EDA: variants seen among roughly 807,000 people sequenced by gnomAD.
The protein encoded by EDA is ectodysplasin A, also known as ectodysplasin-A.
A neutral mutation model predicts 23.6 loss-of-function variants in EDA; 2 were observed. That is an observed-to-expected ratio of 0.08 (90% CI 0.03 to 0.27). The LOEUF is 0.27. Ranked by LOEUF, EDA falls within the 10% of genes least tolerant of loss-of-function variation. The pLI is 1.00. For synonymous variants in EDA, 131 were observed against 132.0 expected (o/e 0.99, Z 0.05); for missense variants, 229 against 324.2 (o/e 0.71, Z 2.26).
chrX:69,798,374 T>G (rs1290048903), intron 1 of EDA, among the ~76,000 whole-genome samples: 1 of 111,751 alleles, frequency 8.9e-6, no homozygotes, highest in Non-Finnish European at 1.9e-5. Flanking sequence ...ATTCTTCTCA[T>G]CAGCATGTGG....
chrX:69,830,989 T>G (rs1350136697), intron 1 of EDA, among the ~76,000 whole-genome samples: 1 of 111,775 alleles, frequency 8.9e-6, no homozygotes, highest in Admixed American at 9.5e-5. Context: ...CATATTAACA[T>G]ATTAAAGGCA....
At chrX:69,740,239 G>A (rs776757094) in intron 1 of EDA, among the ~76,000 whole-genome samples, 1 of 111,253 alleles carries the variant, frequency 9.0e-6, no homozygotes, top group East Asian at 2.8e-4. Flanking sequence ...AACACTCTGT[G>A]TTTTTCTCTA....
At chrX:69,879,456 T>C (rs1417177396) in intron 1 of EDA, among the ~76,000 whole-genome samples, 1 of 111,592 alleles carries the variant, frequency 9.0e-6, no homozygotes, top group Non-Finnish European at 1.9e-5. Context: ...AATATAATGG[T>C]GATCAACTCA....
In EDA at chrX:69,761,907, G is replaced by A. The variant is rs774630846; in HGVS notation, c.396+145203G>A. 2.2e-4 allele frequency among the ~76,000 whole-genome samples: 25 copies of A among 111,365 alleles called. No homozygotes were observed. The South Asian group carries it at 8.7e-3, about 39-fold the overall frequency. On this transcript the variant is annotated intron_variant, in intron 1 of 7. Coordinates refer to ENST00000374552, the MANE Select transcript of EDA (RefSeq NM_001399.5). ...GACACAATCTTAAGAGTGACTATGC[G>A]TTGAATTAGAACATAGGGAGTCCTC... is the stretch of plus-strand genomic sequence containing the variant.
chrX:69,893,627 A>C (rs2054038376), intron 1 of EDA, among the ~76,000 whole-genome samples: 1 of 112,578 alleles, frequency 8.9e-6, no homozygotes, highest in Non-Finnish European at 1.9e-5. Flanking sequence ...AAGAATAATA[A>C]GTTTCCTCTA....
At chrX:69,683,439 A>G (rs368337092) in intron 1 of EDA, among the ~76,000 whole-genome samples, 2 of 111,648 alleles carry the variant, frequency 1.8e-5, no homozygotes, top group South Asian at 3.8e-4. Flanking sequence ...GAACCTGTCC[A>G]AACTACAAGG....
chrX:69,784,855 G>T (rs1313158871), intron 1 of EDA, among the ~76,000 whole-genome samples: 15 of 110,175 alleles, frequency 1.4e-4, no homozygotes, highest in East Asian at 8.6e-4. Context: ...TGATGGGGAT[G>T]GCATTGAATC....
At chrX:69,867,212 CA>C (rs2017500417) in intron 1 of EDA, among the ~76,000 whole-genome samples, 1 of 111,831 alleles carries the variant, frequency 8.9e-6, no homozygotes, top group Admixed American at 9.5e-5. Flanking sequence ...TCCCTGCCAC[CA>C]TGGCCACTTT....
At chrX:69,913,489 G>T (rs2018298174) in intron 1 of EDA, among the ~76,000 whole-genome samples, 1 of 112,406 alleles carries the variant, frequency 8.9e-6, no homozygotes, top group Non-Finnish European at 1.9e-5. Flanking sequence ...TCACAGAGTT[G>T]AAGAGAGTTA....
chrX:69,782,366 T>TAAA (rs751293381), intron 1 of EDA, among the ~76,000 whole-genome samples: 27 of 65,454 alleles, frequency 4.1e-4, no homozygotes, highest in African/African-American at 9.2e-4. Flanking sequence ...TAAATGCTCT[T>TAAA]AAAAAAAAAA....
chrX:69,879,048 T>G (rs1243482905), intron 1 of EDA, among the ~76,000 whole-genome samples: 1 of 111,070 alleles, frequency 9.0e-6, no homozygotes, highest in African/African-American at 3.3e-5. Flanking sequence ...CAAAACTGCT[T>G]TGGCCATTCT....
chrX:69,683,954 A>T (rs1934460671), intron 1 of EDA, among the ~76,000 whole-genome samples: 1 of 112,001 alleles, frequency 8.9e-6, no homozygotes, highest in Non-Finnish European at 1.9e-5. Flanking sequence ...CAGATTATGA[A>T]ATTGTCCTGC....
intron 1 of EDA, among the ~76,000 whole-genome samples, chrX:69,649,204 G>GC (rs1381829211): frequency 2.7e-5 from 3 of 111,920 alleles, no homozygotes; most frequent in African/African-American, 9.8e-5. Context: ...GACCATCTTG[G>GC]CCCCTCCCAT....
chrX:69,711,229 T>G (rs1602321819), intron 1 of EDA, among the ~76,000 whole-genome samples: 1 of 111,574 alleles, frequency 9.0e-6, no homozygotes, highest in Middle Eastern at 4.6e-3. Context: ...TCAAAGGCCT[T>G]TTCTGCATCC....
At chrX:69,666,849 G>C (rs1933699754) in intron 1 of EDA, among the ~76,000 whole-genome samples, 1 of 111,935 alleles carries the variant, frequency 8.9e-6, no homozygotes, top group Non-Finnish European at 1.9e-5. Flanking sequence ...TTTTAGAAGA[G>C]TTTAAGAAGT....
chrX:69,969,922 A>G (rs1488080307), intron 2 of EDA, among the ~76,000 whole-genome samples: 1 of 111,084 alleles, frequency 9.0e-6, no homozygotes, highest in Non-Finnish European at 1.9e-5. Flanking sequence ...CGGGGAACAT[A>G]GCAAGACCCC....
In EDA at chrX:70,038,116, G is replaced by A. The variant is rs1333235238; in HGVS notation, c.*2507G>A. The A allele has an allele frequency of 4.5e-5, 5 of 111,561 alleles. No homozygotes were observed. The highest frequency in any genetic ancestry group is 1.6e-4 in the African/African-American group (5 of 30,664). 9.2% of individuals were successfully genotyped at this position (111,561 alleles called of 1,213,427 possible). On this transcript the variant is annotated 3_prime_UTR_variant, in exon 8 of 8. Transcript: ENST00000374552. ...TCTCTCAGGGATGGAGGGAAGACCT[G>A]AAAGAGAGGACTGGTTCTGAGGCCA...
intron 6 of EDA, among the ~76,000 whole-genome samples, chrX:70,032,684 C>T (rs960372592): frequency 2.7e-5 from 3 of 111,500 alleles, no homozygotes; most frequent in Non-Finnish European, 5.7e-5. Context: ...AGATGCTTTG[C>T]CAAGGGTGGC....
intron 1 of EDA, among the ~76,000 whole-genome samples, chrX:69,698,364 C>T (rs1415012139): frequency 1.8e-5 from 2 of 111,120 alleles, no homozygotes; most frequent in African/African-American, 3.3e-5. Context: ...TAGGGCCTGA[C>T]CACTTCGGTT....
Sources: gnomAD v4.1 joint callset for allele counts (sites outside exome capture counted in the v4.1 genomes callset) on GRCh38, gnomAD v4.1.1 for gene constraint, MANE v1.5 for transcripts, NCBI Gene and HGNC (gene_info 2026-07-23, HGNC 2026-07-21) for gene names.